ACSL3: variants seen among roughly 807,000 people sequenced by gnomAD.
ACSL3 encodes acyl-CoA synthetase long chain family member 3.
Under a neutral mutation model 84.7 loss-of-function variants are expected in ACSL3, and 34 were observed. The ratio of observed to expected loss-of-function variants is 0.40; its 90% CI spans 0.31 to 0.53. ACSL3 has a LOEUF of 0.53. Ranked by LOEUF, ACSL3 falls within the 20% of genes least tolerant of loss-of-function variation. ACSL3 has a pLI of 0.48. For missense variants in ACSL3, 680 were observed against 873.1 expected (o/e 0.78, Z 2.79); for synonymous variants, 315 against 299.4 (o/e 1.05, Z -0.54).
At chr2:222,906,471 G>C (rs1293781645) in intron 3 of ACSL3, among the ~76,000 whole-genome samples, 1 of 152,178 alleles carries the variant, frequency 6.6e-6, no homozygotes, top group Non-Finnish European at 1.5e-5. Context: ...GATGCCCTTT[G>C]TATAGGGGTT....
At chr2:222,866,760 C>CCA (rs1695156902) in intron 1 of ACSL3, among the ~76,000 whole-genome samples, 1 of 73,762 alleles carries the variant, frequency 1.4e-5, no homozygotes, top group Non-Finnish European at 3.1e-5. Flanking sequence ...CCCGCCCCCC[C>CCA]CCCCCCCCCC....
At chr2:222,927,457 CAA>C (rs1016932869) in intron 12 of ACSL3, among the ~76,000 whole-genome samples, 1 of 152,070 alleles carries the variant, frequency 6.6e-6, no homozygotes, top group African/African-American at 2.4e-5. Flanking sequence ...ACTTTAGTAA[CAA>C]ACACTGACTG....
intron 3 of ACSL3, among the ~76,000 whole-genome samples, chr2:222,905,866 C>CT (rs75375146): frequency 0.076 from 10,903 of 142,934 alleles, 594 homozygotes; most frequent in Admixed American, 0.2. Flanking sequence ...TCCTTTAGTT[C>CT]TTTTTTTTTT....
Position 222,924,566 on chromosome 2 carries a change from A to G in ACSL3, c.1263A>G (p.Ser421=). The change falls in exon 11 of 17, where the codon TCA becomes TCG. Residue 421 remains serine (S), a synonymous_variant. Coordinates refer to ENST00000357430, the MANE Select transcript of ACSL3 (RefSeq NM_004457.5). ...LAYNYKMEQI[S]KGRNTPLCDS... ...ATAATTACAAAATGGAACAGATTTCAAAAGGACGTAATACTCCACTGTGCG... is the reference window on the plus strand; with the variant it reads ...ATAATTACAAAATGGAACAGATTTCGAAAGGACGTAATACTCCACTGTGCG... 2 of 1,610,046 alleles carry G rather than the reference A, an allele frequency of 1.2e-6. No individual in the cohort carries two copies. The highest frequency in any genetic ancestry group is 2.2e-5 in the South Asian group (2 of 89,738).
At chr2:222,890,476 A>AAG (rs1208849185) in intron 2 of ACSL3, among the ~76,000 whole-genome samples, 1 of 152,220 alleles carries the variant, frequency 6.6e-6, no homozygotes, top group Non-Finnish European at 1.5e-5. Flanking sequence ...ACATAACCGG[A>AAG]AGAGCTGTCT....
chr2:222,881,807 C>T (rs900358694), intron 1 of ACSL3, among the ~76,000 whole-genome samples: 2 of 152,174 alleles, frequency 1.3e-5, no homozygotes, highest in Non-Finnish European at 2.9e-5. Context: ...CCCGGCCTCA[C>T]TTTTCTTAAA....
intron 4 of ACSL3, among the ~76,000 whole-genome samples, chr2:222,914,234 C>CGTGTGTGTGTGTGTGTGTGTGT (rs57546680): frequency 4.3e-5 from 6 of 140,160 alleles, no homozygotes; most frequent in African/African-American, 1.4e-4. Flanking sequence ...TGTGTGTGTA[C>CGTGTGTGTGTGTGTGTGTGTGT]GTGTGTGTGT....
At chr2:222,924,193 T>C (rs565752604) in intron 10 of ACSL3, among the ~76,000 whole-genome samples, 4 of 152,386 alleles carry the variant, frequency 2.6e-5, no homozygotes, top group South Asian at 2.1e-4. Context: ...TATCTAGATA[T>C]ATTTCTGCTT....
chr2:222,873,563 T>G (rs1285507002), intron 1 of ACSL3, among the ~76,000 whole-genome samples: 2 of 152,200 alleles, frequency 1.3e-5, no homozygotes, highest in East Asian at 3.8e-4. Flanking sequence ...AAGCATAAAT[T>G]CTACATTCTA....
intron 1 of ACSL3, among the ~76,000 whole-genome samples, chr2:222,887,288 A>G (rs1695747243): frequency 6.6e-6 from 1 of 151,918 alleles, no homozygotes; most frequent in Admixed American, 6.6e-5. Flanking sequence ...CTCATTTTCC[A>G]TTGTCTGGAT....
At chr2:222,865,839 C>T (rs536293030) in intron 1 of ACSL3, among the ~76,000 whole-genome samples, 2 of 150,418 alleles carry the variant, frequency 1.3e-5, no homozygotes, top group Admixed American at 6.6e-5. Flanking sequence ...CAGATGTGTA[C>T]GCATTGGAGA....
intron 1 of ACSL3, among the ~76,000 whole-genome samples, chr2:222,865,822 G>GTGTA (rs755413846): frequency 6.8e-6 from 1 of 146,212 alleles, no homozygotes; most frequent in Non-Finnish European, 1.5e-5. Flanking sequence ...GTGTGTGTGT[G>GTGTA]TGTACACAGA....
rs78717653 is a variant in ACSL3 at position 222,939,980 on chromosome 2, A to G, written c.2006-1517A>G. Among the ~76,000 whole-genome samples, 1,581 of 152,318 alleles carry G rather than the reference A, an allele frequency of 0.01. 54 individuals carry two copies. The East Asian group carries it at 0.12, about 11-fold the overall frequency. ...GTCATTTTTTTGCATTTTTAAAAGA[A>G]TGTTTAGTAAAGCACTTTACATGTA... On this transcript the variant is annotated intron_variant, in intron 16 of 16. Transcript: ENST00000357430.
At chr2:222,912,614 A>G (rs1479271278) in intron 4 of ACSL3, among the ~76,000 whole-genome samples, 5 of 152,232 alleles carry the variant, frequency 3.3e-5, no homozygotes, top group African/African-American at 9.6e-5. Flanking sequence ...TGAAGGAAAG[A>G]TGCACAAGCC....
intron 1 of ACSL3, among the ~76,000 whole-genome samples, chr2:222,883,418 G>T (rs1283903346): frequency 6.6e-6 from 1 of 151,240 alleles, no homozygotes; most frequent in East Asian, 2.0e-4. Context: ...CCCGACCTCA[G>T]GTGATCTGCC....
rs1202418883 is a variant in ACSL3 at position 222,927,046 on chromosome 2, TA to T, written c.1323del (p.Gly443GlufsTer21). 1 of 1,613,584 alleles carries T rather than the reference TA, an allele frequency of 6.2e-7. No homozygotes were observed. Among genetic ancestry groups the T allele is most frequent in the Non-Finnish European group, 8.5e-7 (1 of 1,179,640 alleles). ...GTTTTCCGGAAAGTTCGAAGCTTGC[TA>T]GGGGGAAATATTCGTCTCCTGTTGT... is the stretch of plus-strand genomic sequence containing the variant. ...SFVFRKVRSLLGGNIRLLLCG... is the reference protein window; with the variant it reads ...SFVFRKVRSLXGGNIRLLLCG... On this transcript the variant is annotated frameshift_variant, in exon 12 of 17. Transcript: ENST00000357430. LOFTEE classifies it high-confidence loss of function.
intron 5 of ACSL3, 35 bp from the exon 6 acceptor site, chr2:222,918,011 T>C: frequency 6.9e-7 from 1 of 1,457,928 alleles, no homozygotes; most frequent in Non-Finnish European, 9.6e-7. Flanking sequence ...AGTTAAATGT[T>C]TGAATATTTG....
At chr2:222,863,098 GTCAGGCACC>G (rs1695054139) in intron 1 of ACSL3, among the ~76,000 whole-genome samples, 2 of 152,120 alleles carry the variant, frequency 1.3e-5, no homozygotes, top group African/African-American at 4.8e-5. Context: ...TTTGTGATAT[GTCAGGCACC>G]TTATTAGGTG....
chr2:222,921,996 TAC>T (rs1696752516), intron 8 of ACSL3, among the ~76,000 whole-genome samples: 1 of 152,170 alleles, frequency 6.6e-6, no homozygotes, highest in African/African-American at 2.4e-5. Context: ...ATTACAAACA[TAC>T]ACGCACACAC....
Sources: gnomAD v4.1 joint callset for allele counts (sites outside exome capture counted in the v4.1 genomes callset) on GRCh38, gnomAD v4.1.1 for gene constraint, MANE v1.5 for transcripts, NCBI Gene and HGNC (gene_info 2026-07-23, HGNC 2026-07-21) for gene names.